The following IL31RA variants were observed in gnomAD, a reference collection of about 807,000 sequenced individuals.
IL31RA encodes the protein interleukin 31 receptor A.
In IL31RA, 66 loss-of-function variants were observed where a neutral mutation model predicts 83.7. The observed-to-expected ratio is 0.79, with a 90% confidence interval of 0.65 to 0.97. The LOEUF (loss-of-function observed/expected upper bound fraction) is 0.97. Ranked by LOEUF, IL31RA falls within the 50% of genes least tolerant of loss-of-function variation. The probability of loss-of-function intolerance (pLI) is 0.00; values close to 1 mark genes in which losing one functional copy is unlikely to be tolerated. For missense variants in IL31RA, 798 were observed against 919.4 expected (o/e 0.87, Z 1.71); for synonymous variants, 325 against 329.0 (o/e 0.99, Z 0.13).
intron 12 of IL31RA, among the ~76,000 whole-genome samples, chr5:55,912,130 T>G (rs1749533952): frequency 6.6e-6 from 1 of 152,282 alleles, no homozygotes; most frequent in East Asian, 1.9e-4. Flanking sequence ...ACCTAGAAGT[T>G]TCCTACCCTG....
intron 11 of IL31RA, chr5:55,908,641 A>G (rs1350440135): frequency 1.9e-6 from 3 of 1,541,382 alleles, no homozygotes; most frequent in East Asian, 2.4e-5. Flanking sequence ...TCCTGAGGAA[A>G]TGGAAGGAGT....
rs544775508 is a variant in IL31RA at position 55,886,304 on chromosome 5, C to T, written c.606+3109C>T. Among the ~76,000 whole-genome samples the T allele has an allele frequency of 6.2e-3, 555 of 89,262 alleles. 2 individuals carry two copies. The highest frequency in any genetic ancestry group is 8.7e-3 in the Non-Finnish European group (445 of 51,364). The allele number at this position is 89,262 out of a possible 152,430, so 58.6% of individuals were successfully genotyped here. On this transcript the variant is annotated intron_variant, in intron 5 of 14. Transcript: ENST00000652347. The stretch of plus-strand genomic sequence containing the variant: ...TTTTTTTTTTTTTGAGGTGGAGTTT[C>T]ACTCTTGTTGCCCAGGCTGGAGTGA...
upstream of IL31RA, among the ~76,000 whole-genome samples, chr5:55,847,278 A>C (rs1195373336): frequency 1.4e-5 from 2 of 146,108 alleles, no homozygotes; most frequent in Non-Finnish European, 3.0e-5. Flanking sequence ...TAAATAAATA[A>C]ATAAATAAAA....
chr5:55,909,340 C>T (rs1487433096), intron 11 of IL31RA, among the ~76,000 whole-genome samples: 1 of 152,138 alleles, frequency 6.6e-6, no homozygotes, highest in Admixed American at 6.5e-5. Context: ...AATAGGGCTG[C>T]TATGAACAGA....
the IL31RA span, among the ~76,000 whole-genome samples, chr5:55,845,447 T>A: frequency 2.0e-5 from 1 of 49,584 alleles, no homozygotes; most frequent in African/African-American, 9.4e-5. Flanking sequence ...GGGCAGGTGA[T>A]ATGGTTTGGC....
chr5:55,862,344 A>G (rs984392382), intron 2 of IL31RA, among the ~76,000 whole-genome samples: 10 of 152,240 alleles, frequency 6.6e-5, no homozygotes, highest in Non-Finnish European at 7.3e-5. Context: ...ACTATTGACT[A>G]AATTCCAAAT....
chr5:55,899,732 G>A (rs999298874), intron 7 of IL31RA, among the ~76,000 whole-genome samples, 184 bp from the exon 8 acceptor site: 23 of 152,152 alleles, frequency 1.5e-4, no homozygotes, highest in African/African-American at 5.3e-4. Flanking sequence ...CCCCTCTTCT[G>A]GCACTTGAAG....
chr5:55,882,970 C>T, intron 4 of IL31RA, 74 bp from the exon 5 acceptor site: 9 of 1,404,910 alleles, frequency 6.4e-6, no homozygotes, highest in Admixed American at 3.5e-5. Flanking sequence ...CATTTTTTTT[C>T]AATTTTGGGT....
intron 2 of IL31RA, among the ~76,000 whole-genome samples, chr5:55,861,021 G>T (rs1473617927): frequency 6.6e-6 from 1 of 152,098 alleles, no homozygotes; most frequent in Non-Finnish European, 1.5e-5. Context: ...TTGGATTAGG[G>T]CCCATCATAA....
intron 12 of IL31RA, 65 bp from the exon 13 acceptor site, chr5:55,913,412 A>C: frequency 1.0e-6 from 1 of 987,644 alleles, no homozygotes; most frequent in Non-Finnish European, 1.6e-6. Flanking sequence ...AGAAAAAGTT[A>C]ATCATTGATT....
At chr5:55,840,723 T>C in the IL31RA span, among the ~76,000 whole-genome samples, 3 of 152,218 alleles carry the variant, frequency 2.0e-5, no homozygotes, top group African/African-American at 7.2e-5. Flanking sequence ...CATCTGTCTA[T>C]TCATTTCTTT....
At chr5:55,864,485 C>G (rs190822241) in intron 2 of IL31RA, among the ~76,000 whole-genome samples, 1 of 149,950 alleles carries the variant, frequency 6.7e-6, no homozygotes, top group East Asian at 2.0e-4. Flanking sequence ...ACACCATGCA[C>G]ACATCATAAT....
chr5:55,888,411 G>T (rs886403214), intron 5 of IL31RA, among the ~76,000 whole-genome samples: 1 of 152,146 alleles, frequency 6.6e-6, no homozygotes, highest in Non-Finnish European at 1.5e-5. Context: ...GGCTTCCGTG[G>T]CTACATTAGG....
intron 9 of IL31RA, 67 bp downstream of exon 9, chr5:55,906,355 A>G: frequency 1.3e-6 from 2 of 1,487,158 alleles, no homozygotes; most frequent in African/African-American, 1.4e-5. Context: ...CCATTTTTAG[A>G]TCTTTAACTT....
At chr5:55,867,110 TGC>T (rs1304256683) in intron 2 of IL31RA, among the ~76,000 whole-genome samples, 73 of 96,176 alleles carry the variant, frequency 7.6e-4, no homozygotes, top group Non-Finnish European at 1.4e-3. Flanking sequence ...TGTGTGTGTG[TGC>T]ATGTGTGTGT....
chr5:55,874,560 TAC>T (rs1420824465), intron 4 of IL31RA, among the ~76,000 whole-genome samples: 1 of 152,148 alleles, frequency 6.6e-6, no homozygotes, highest in Non-Finnish European at 1.5e-5. Flanking sequence ...ATTAATTTGT[TAC>T]AGTTTCCAGT....
rs1174539589 is a variant in IL31RA at position 55,896,562 on chromosome 5, T to TCCCCTCCCCTCCCTTCCCCCCACCTTC, written c.852+154_852+180dup. On this transcript the variant is annotated intron_variant, in intron 7 of 14. Coordinates refer to ENST00000652347, the MANE Select transcript of IL31RA (RefSeq NM_139017.7). Reference sequence around the variant, plus strand: ...TTCCCTTCCCTTCCCTCCCCTCCCCTCCCCTCCCCTCCCTTCCCCCCACCT... The same window carrying TCCCCTCCCCTCCCTTCCCCCCACCTTC: ...TTCCCTTCCCTTCCCTCCCCTCCCCTCCCCTCCCCTCCCTTCCCCCCACCTTCCCCCTCCCCTCCCTTCCCCCCACCT... The TCCCCTCCCCTCCCTTCCCCCCACCTTC allele has an allele frequency of 4.1e-5, 17 of 410,302 alleles. No homozygotes were observed. The African/African-American group carries it at 6.4e-4, about 16-fold the overall frequency. The allele number at this position is 410,302 out of a possible 1,614,324, so 25.4% of individuals were successfully genotyped here.
upstream of IL31RA, among the ~76,000 whole-genome samples, chr5:55,848,815 C>T (rs193251060): frequency 3.1e-4 from 47 of 152,288 alleles, no homozygotes; most frequent in African/African-American, 1.0e-3. Flanking sequence ...ACTATCCATC[C>T]GTCAATCCAT....
chr5:55,886,268 C>CTTTTTGTTTTTTTT (rs1747603241), intron 5 of IL31RA, among the ~76,000 whole-genome samples: 1 of 71,510 alleles, frequency 1.4e-5, no homozygotes, highest in African/African-American at 7.3e-5. Context: ...TGCTTGCTTG[C>CTTTTTGTTTTTTTT]TTTTTTTTTT....
Sources: allele counts gnomAD v4.1 joint callset (sites outside exome capture counted in the v4.1 genomes callset), GRCh38; gene constraint gnomAD v4.1.1; transcripts MANE v1.5; gene names NCBI Gene and HGNC (gene_info 2026-07-23, HGNC 2026-07-21).